Variants in CALN1 observed in about 807,000 individuals in gnomAD.
CALN1 encodes calneuron 1, also known as calcium-binding protein 8.
In CALN1, 17 loss-of-function variants were observed where a neutral mutation model predicts 30.6. That is an observed-to-expected ratio of 0.56 (90% CI 0.38 to 0.83). The LOEUF is 0.83. Ranked by LOEUF, CALN1 falls within the 40% of genes least tolerant of loss-of-function variation. CALN1 has a pLI of 0.00. For synonymous variants in CALN1, 156 were observed against 131.4 expected, an observed-to-expected ratio of 1.19 and a Z score of -1.28; for missense variants, 291 against 354.9, an observed-to-expected ratio of 0.82 and a Z score of 1.45.
intron 3 of CALN1, among the ~76,000 whole-genome samples, chr7:72,134,580 C>G (rs1809377580): frequency 6.6e-6 from 1 of 152,140 alleles, no homozygotes; most frequent in East Asian, 1.9e-4. Flanking sequence ...TAAAAATGTA[C>G]TTTTATTTAA....
intron 2 of CALN1, among the ~76,000 whole-genome samples, chr7:72,344,026 TTTA>T (rs942272807): frequency 2.6e-5 from 4 of 152,170 alleles, no homozygotes; most frequent in Non-Finnish European, 5.9e-5. Flanking sequence ...TCTATTTTTT[TTTA>T]TTTTTTAATT....
At chr7:72,381,656 C>T (rs1804909143) in intron 2 of CALN1, among the ~76,000 whole-genome samples, 1 of 152,018 alleles carries the variant, frequency 6.6e-6, no homozygotes, top group African/African-American at 2.4e-5. Flanking sequence ...ATAATGAGAA[C>T]GTATGGAAAC....
At chr7:72,072,561 G>A (rs1056897279) in intron 4 of CALN1, among the ~76,000 whole-genome samples, 5 of 152,202 alleles carry the variant, frequency 3.3e-5, no homozygotes, top group East Asian at 1.9e-4. Flanking sequence ...AACTTGAAGC[G>A]ATATGAAGAA....
the CALN1 span, among the ~76,000 whole-genome samples, chr7:72,459,983 A>G: frequency 6.6e-6 from 1 of 152,220 alleles, no homozygotes; most frequent in African/African-American, 2.4e-5. Flanking sequence ...TATAAGAAGC[A>G]TGGAGCCAAC....
At chr7:71,904,329 T>C (rs1794015727) in intron 5 of CALN1, among the ~76,000 whole-genome samples, 1 of 152,034 alleles carries the variant, frequency 6.6e-6, no homozygotes, top group South Asian at 2.1e-4. Context: ...GTAAAGAAAA[T>C]GTAGTATATA....
At chr7:72,364,182 G>A (rs555598985) in intron 2 of CALN1, among the ~76,000 whole-genome samples, 1 of 152,156 alleles carries the variant, frequency 6.6e-6, no homozygotes, top group East Asian at 1.9e-4. Context: ...TACCAGATAA[G>A]AAAATACTTT....
At chr7:72,163,391 T>TAAAAAAAAAAAAA (rs1563111506) in intron 3 of CALN1, among the ~76,000 whole-genome samples, 19 of 130,414 alleles carry the variant, frequency 1.5e-4, no homozygotes, top group African/African-American at 2.6e-4. Context: ...TTATTGGAGA[T>TAAAAAAAAAAAAA]TAAAAAAAAA....
chr7:72,102,295 A>C (rs1806728695), intron 4 of CALN1, among the ~76,000 whole-genome samples: 1 of 152,020 alleles, frequency 6.6e-6, no homozygotes. Flanking sequence ...AAATACAAAA[A>C]TTAGCCGGGC....
chr7:72,394,927 G>T (rs886150300), intron 2 of CALN1, among the ~76,000 whole-genome samples: 2 of 152,150 alleles, frequency 1.3e-5, no homozygotes, highest in Non-Finnish European at 2.9e-5. Context: ...CAAAGTGCTG[G>T]GATTACAGGC....
At chr7:71,969,826 CA>C (rs1308563529) in intron 5 of CALN1, among the ~76,000 whole-genome samples, 1 of 142,712 alleles carries the variant, frequency 7.0e-6, no homozygotes, top group African/African-American at 2.8e-5. Context: ...ACTGTAGGAC[CA>C]TTTTTTTTTT....
intron 2 of CALN1, among the ~76,000 whole-genome samples, chr7:72,348,839 A>T (rs1006263515): frequency 6.6e-6 from 1 of 152,242 alleles, no homozygotes; most frequent in Non-Finnish European, 1.5e-5. Flanking sequence ...AAGAAACTTC[A>T]AAACTCTTCA....
chr7:72,378,237 T>A (rs1804680887), intron 2 of CALN1, among the ~76,000 whole-genome samples: 1 of 152,180 alleles, frequency 6.6e-6, no homozygotes, highest in South Asian at 2.1e-4. Context: ...CATTTTTTTG[T>A]GAATGAGGTT....
Position 72,049,809 on chromosome 7 carries a change from A to ATTTT in CALN1, c.389-26041_389-26040insAAAA, listed in dbSNP as rs36079674. ...AGGTGTGAGCACCCGGGCCAAGTCT[A>ATTTT]TTTCTTTTTTTTTTTTTTGAGATGC... On this transcript the variant is annotated intron_variant, in intron 4 of 6. Coordinates refer to ENST00000395275, the MANE Select transcript of CALN1 (RefSeq NM_031468.4). 2.2e-5 allele frequency among the ~76,000 whole-genome samples: 2 copies of ATTTT among 90,554 alleles called. 1 individual carries two copies. Among genetic ancestry groups the ATTTT allele is most frequent in the Non-Finnish European group, 3.8e-5 (2 of 52,556 alleles). The allele number at this position is 90,554 out of a possible 152,430, so 59.4% of individuals were successfully genotyped here.
chr7:72,180,757 C>G (rs1185056670), intron 3 of CALN1, among the ~76,000 whole-genome samples: 1 of 151,574 alleles, frequency 6.6e-6, no homozygotes, highest in African/African-American at 2.4e-5. Flanking sequence ...TACCACCTAC[C>G]ACGCCGGGCT....
At chr7:71,954,111 G>A (rs927552916) in intron 5 of CALN1, among the ~76,000 whole-genome samples, 1 of 151,404 alleles carries the variant, frequency 6.6e-6, no homozygotes, top group African/African-American at 2.4e-5. Context: ...ATTGCTTGAG[G>A]CTAGGAATTT....
intron 5 of CALN1, among the ~76,000 whole-genome samples, chr7:71,823,827 C>A (rs1788746024): frequency 6.6e-6 from 1 of 152,110 alleles, no homozygotes; most frequent in African/African-American, 2.4e-5. Context: ...GGAGGCCTCA[C>A]AATCGTGGCA....
intron 2 of CALN1, among the ~76,000 whole-genome samples, chr7:72,347,981 A>C (rs1297993932): frequency 6.6e-6 from 1 of 152,064 alleles, no homozygotes; most frequent in Non-Finnish European, 1.5e-5. Flanking sequence ...AAATGCAAAA[A>C]TTATCCAGGC....
chr7:71,906,757 C>A (rs1406197428), intron 5 of CALN1, among the ~76,000 whole-genome samples: 2 of 152,154 alleles, frequency 1.3e-5, no homozygotes, highest in Admixed American at 6.5e-5. Flanking sequence ...GATCTGGCAT[C>A]CAGACAGAGT....
At chr7:72,500,651 T>C in the CALN1 span, among the ~76,000 whole-genome samples, 2 of 152,070 alleles carry the variant, frequency 1.3e-5, no homozygotes, top group Non-Finnish European at 2.9e-5. Context: ...TTACTGATAT[T>C]CATTTATTTA....
Sources: gnomAD v4.1 joint callset for allele counts (sites outside exome capture counted in the v4.1 genomes callset) on GRCh38, gnomAD v4.1.1 for gene constraint, MANE v1.5 for transcripts, NCBI Gene and HGNC (gene_info 2026-07-23, HGNC 2026-07-21) for gene names.